Variants in SMOC2 observed in about 807,000 individuals in gnomAD.
The protein encoded by SMOC2 is SPARC-related modular calcium-binding protein 2.
A neutral mutation model predicts 61.4 loss-of-function variants in SMOC2; 39 were observed. The ratio of observed to expected loss-of-function variants is 0.64; its 90% confidence interval spans 0.49 to 0.83. SMOC2 has a LOEUF of 0.83. SMOC2 is among the 40% of genes least tolerant of loss of function. The pLI is 0.00. For synonymous variants in SMOC2, 247 were observed against 239.9 expected (o/e 1.03, Z -0.27); for missense variants, 556 against 592.9 (o/e 0.94, Z 0.65).
At chr6:168,508,301 C>T (rs758853368) in intron 1 of SMOC2, among the ~76,000 whole-genome samples, 4 of 152,132 alleles carry the variant, frequency 2.6e-5, no homozygotes, top group South Asian at 2.1e-4. Flanking sequence ...TCAAGGTCAC[C>T]GTAGTTCCTG....
intron 7 of SMOC2, among the ~76,000 whole-genome samples, chr6:168,587,763 C>G (rs1391384429): frequency 6.6e-6 from 1 of 152,112 alleles, no homozygotes; most frequent in Non-Finnish European, 1.5e-5. Context: ...GCTTTTTTAC[C>G]TTTGTAGCCC....
At chr6:168,586,626 T>C (rs970567331) in intron 7 of SMOC2, among the ~76,000 whole-genome samples, 2 of 152,190 alleles carry the variant, frequency 1.3e-5, no homozygotes, top group African/African-American at 4.8e-5. Context: ...GTACATCTCT[T>C]TATTTATTTA....
intron 7 of SMOC2, among the ~76,000 whole-genome samples, chr6:168,558,519 T>C (rs1289027624): frequency 2.0e-5 from 3 of 152,088 alleles, no homozygotes; most frequent in Non-Finnish European, 4.4e-5. Context: ...CGGCCCCCCC[T>C]GTGTGATCCT....
At chr6:168,491,324 G>A (rs557876730) in intron 1 of SMOC2, among the ~76,000 whole-genome samples, 32 of 152,228 alleles carry the variant, frequency 2.1e-4, no homozygotes, top group Non-Finnish European at 3.5e-4. Flanking sequence ...GTGAAATTTT[G>A]GATGCTAAGA....
chr6:168,567,311 G>C (rs1583116395), intron 7 of SMOC2, among the ~76,000 whole-genome samples: 1 of 152,206 alleles, frequency 6.6e-6, no homozygotes, highest in East Asian at 1.9e-4. Flanking sequence ...ATGCTAAAAT[G>C]CTTTATCTAA....
intron 1 of SMOC2, among the ~76,000 whole-genome samples, chr6:168,501,566 G>T (rs1478437729): frequency 1.3e-5 from 2 of 152,148 alleles, no homozygotes; most frequent in African/African-American, 4.8e-5. Context: ...TGAGGTGGGG[G>T]GAAGATGGAA....
chr6:168,653,651 T>TGTA (rs1562406889), intron 11 of SMOC2, among the ~76,000 whole-genome samples: 30 of 129,342 alleles, frequency 2.3e-4, no homozygotes, highest in African/African-American at 9.1e-4. Flanking sequence ...TCACCAACCC[T>TGTA]CTACCTGAGC....
At chr6:168,656,706 C>T (rs900324506) in intron 11 of SMOC2, among the ~76,000 whole-genome samples, 8 of 152,084 alleles carry the variant, frequency 5.3e-5, no homozygotes, top group African/African-American at 1.9e-4. Flanking sequence ...TCACTCAGTG[C>T]TGTTCAACCA....
chr6:168,614,311 A>G (rs1227649211), intron 9 of SMOC2, among the ~76,000 whole-genome samples: 3 of 61,128 alleles, frequency 4.9e-5, no homozygotes, highest in African/African-American at 2.2e-4. Context: ...ACCTACAGCC[A>G]GCACAGGGCC....
At chr6:168,518,172 G>T (rs577634333) in intron 2 of SMOC2, among the ~76,000 whole-genome samples, 1 of 152,212 alleles carries the variant, frequency 6.6e-6, no homozygotes, top group Non-Finnish European at 1.5e-5. Context: ...CTTCACCCCC[G>T]CACAAGCGCC....
At chr6:168,663,248 G>C (rs995445292) in intron 11 of SMOC2, among the ~76,000 whole-genome samples, 13 of 152,206 alleles carry the variant, frequency 8.5e-5, no homozygotes, top group Non-Finnish European at 1.6e-4. Flanking sequence ...AGAGCAGGAA[G>C]GAGACTTTCC....
At chr6:168,473,622 G>A (rs1562546071) in intron 1 of SMOC2, among the ~76,000 whole-genome samples, 2 of 152,166 alleles carry the variant, frequency 1.3e-5, no homozygotes, top group Admixed American at 1.3e-4. Flanking sequence ...GAAGACCAGC[G>A]ACTCTGTCTT....
chr6:168,547,406 C>G lies in SMOC2; in HGVS notation c.562+237C>G, dbSNP rs9364464. Among the ~76,000 whole-genome samples the G allele has an allele frequency of 0.74, 111,334 of 151,306 alleles. 42,463 individuals are homozygous for G. Among genetic ancestry groups the G allele is most frequent in the East Asian group, 1 (5,071 of 5,084 alleles). On this transcript the variant is annotated intron_variant, in intron 6 of 12. Transcript: ENST00000356284. ...AAAACAGCAAGCCGAAAGGTGGTCACGAAGGGTAGGGTAGGATGGAGGAAA... is the reference window on the plus strand; with the variant it reads ...AAAACAGCAAGCCGAAAGGTGGTCAGGAAGGGTAGGGTAGGATGGAGGAAA...
At chr6:168,530,650 C>A (rs61289386) in intron 4 of SMOC2, among the ~76,000 whole-genome samples, 1 of 114,636 alleles carries the variant, frequency 8.7e-6, no homozygotes, top group African/African-American at 3.0e-5. Flanking sequence ...CCCCCCCCCC[C>A]GCCCCCACAC....
At position 168,505,355 on chromosome 6, in the gene SMOC2, A is replaced by G. The variant is rs146639973; in HGVS notation, c.85-4560A>G. Among the ~76,000 whole-genome samples, 96 of 146,858 alleles carry G rather than the reference A, an allele frequency of 6.5e-4. 1 individual carries two copies. The highest frequency in any genetic ancestry group is 2.3e-3 in the African/African-American group (88 of 38,502). On this transcript the variant is annotated intron_variant, in intron 1 of 12. Coordinates refer to ENST00000356284, the MANE Select transcript of SMOC2 (RefSeq NM_001166412.2). The stretch of plus-strand genomic sequence containing the variant: ...ATGAAATGTCCATCTCTCAGATGCC[A>G]GATGAATGACTGAATGAAATGTCTG...
At chr6:168,497,788 C>T (rs1319058589) in intron 1 of SMOC2, among the ~76,000 whole-genome samples, 1 of 152,124 alleles carries the variant, frequency 6.6e-6, no homozygotes, top group African/African-American at 2.4e-5. Context: ...CTTACAACCA[C>T]GTTTTGCCCC....
At position 168,527,626 on chromosome 6, in the gene SMOC2, A is replaced by G; in HGVS notation, c.364-2A>G. The G allele has an allele frequency of 1.3e-6, 2 of 1,549,338 alleles. No individual in the cohort carries two copies. The highest frequency in any genetic ancestry group is 1.7e-6 in the Non-Finnish European group (2 of 1,146,108). ...GCTTACCCGTCCTGTGCTCTCTCGC[A>G]GGTCCAGTGTCACAGCTACACGGGA... On this transcript the variant is annotated splice_acceptor_variant, in intron 3 of 12. Transcript: ENST00000356284. LOFTEE classifies it high-confidence loss of function.
At chr6:168,551,423 TTTTATTTATTTA>T (rs147825097) in intron 7 of SMOC2, among the ~76,000 whole-genome samples, 23,033 of 146,728 alleles carry the variant, frequency 0.16, 2,447 homozygotes, top group East Asian at 0.4. Context: ...ATATACTTTA[TTTTATTTATTTA>T]TTTATTTATT....
intron 8 of SMOC2, among the ~76,000 whole-genome samples, chr6:168,604,274 A>G (rs910580580): frequency 9.2e-5 from 14 of 152,220 alleles, no homozygotes; most frequent in African/African-American, 3.4e-4. Flanking sequence ...TAGCAAATTT[A>G]ATTCATGGAT....
Sources: gnomAD v4.1 joint callset for allele counts (sites outside exome capture counted in the v4.1 genomes callset) on GRCh38, gnomAD v4.1.1 for gene constraint, MANE v1.5 for transcripts, NCBI Gene and HGNC (gene_info 2026-07-23, HGNC 2026-07-21) for gene names.